Variants in AGAP3 observed in about 807,000 individuals in gnomAD.
The protein encoded by AGAP3 is ArfGAP with GTPase domain, ankyrin repeat and PH domain 3.
A neutral mutation model predicts 96.9 loss-of-function variants in AGAP3; 24 were observed. That is an observed-to-expected ratio of 0.25 (90% CI 0.18 to 0.35). The LOEUF is 0.35. AGAP3 is among the 10% of genes least tolerant of loss of function. The pLI is 1.00. For missense variants in AGAP3, 876 were observed against 1,254.2 expected (o/e 0.70, Z 4.55); for synonymous variants, 563 against 536.1 (o/e 1.05, Z -0.69).
At position 151,143,416 on chromosome 7, in the gene AGAP3, G is replaced by C; in HGVS notation, c.2349G>C (p.Val783=). The change falls in exon 17 of 18, where the codon GTG becomes GTC. Residue 783 remains valine (V), a synonymous_variant. Transcript: ENST00000397238. This position sits in a 1 kb window ranked among gnomAD's most constrained non-coding sequence, Gnocchi z 5.9. ...LFLAPLPSSD[V]PLGQQLLRAV... is the part of the protein sequence containing the mutation. ...TGGCCCCACTGCCAAGCTCAGATGT[G>C]CCACTGGGGCAGCAGCTGCTCCGGG... The C allele has an allele frequency of 6.2e-7, 1 of 1,614,212 alleles. No individual in the cohort carries two copies. The highest frequency in any genetic ancestry group is 8.5e-7 in the Non-Finnish European group (1 of 1,180,048).
chr7:151,101,336 A>G (rs1798827410), intron 1 of AGAP3, among the ~76,000 whole-genome samples: 1 of 152,202 alleles, frequency 6.6e-6, no homozygotes, highest in African/African-American at 2.4e-5. Context: ...GGGACAGGCC[A>G]TTATGGTGGC....
intron 1 of AGAP3, among the ~76,000 whole-genome samples, chr7:151,104,149 C>A (rs1798944688): frequency 6.6e-6 from 1 of 152,180 alleles, no homozygotes; most frequent in Admixed American, 6.5e-5. Flanking sequence ...TAGCGTCCAT[C>A]AATGATCTTT....
intron 8 of AGAP3, chr7:151,122,651 C>T (rs2150491318): frequency 1.9e-6 from 3 of 1,588,894 alleles, no homozygotes; most frequent in Non-Finnish European, 2.6e-6. Flanking sequence ...GGTCTCTGCC[C>T]TCACCGGTGC....
intron 10 of AGAP3, among the ~76,000 whole-genome samples, chr7:151,128,977 C>T (rs1267010964): frequency 1.3e-5 from 2 of 152,210 alleles, no homozygotes; most frequent in African/African-American, 4.8e-5. Flanking sequence ...GCCGATGTTG[C>T]CCAGCAGTTG....
rs564303082 is a variant in AGAP3, at chr7:151,091,522, T to A, written c.331+4450T>A. ...GACAGGGAGCGAAGGGGCCAGAAGG[T>A]CTGGGCTTGGTGCACCTGGAGAGAA... On this transcript the variant is annotated intron_variant, in intron 1 of 17. Transcript: ENST00000397238. Among the ~76,000 whole-genome samples the A allele has an allele frequency of 5.9e-5, 9 of 152,196 alleles. No individual in the cohort carries two copies. In the South Asian group the frequency reaches 1.7e-3, roughly 28 times the overall value.
chr7:151,105,262 G>A (rs550216700), intron 1 of AGAP3, among the ~76,000 whole-genome samples: 2 of 152,096 alleles, frequency 1.3e-5, no homozygotes, highest in South Asian at 2.1e-4. Flanking sequence ...GTAATATATC[G>A]TCTGTAAACA....
In AGAP3 at chr7:151,133,869, C is replaced by T. The variant is rs186850534; in HGVS notation, c.1327-531C>T. Among the ~76,000 whole-genome samples, 17 of 152,246 alleles carry T rather than the reference C, an allele frequency of 1.1e-4. No homozygotes were observed. Among genetic ancestry groups the T allele is most frequent in the Middle Eastern group, 3.4e-3 (1 of 294 alleles). On this transcript the variant is annotated intron_variant, in intron 10 of 17. Transcript: ENST00000397238. The surrounding 1 kb of genome is among the most constrained non-coding windows in gnomAD (Gnocchi z 5.4). ...AGCACCTGTTGCTGTATTCCAAAGTCCAGCAAAAAGAATCAGAGGCTTCCT... is the reference window on the plus strand; with the variant it reads ...AGCACCTGTTGCTGTATTCCAAAGTTCAGCAAAAAGAATCAGAGGCTTCCT...
Position 151,117,399 on chromosome 7 carries a change from G to A in AGAP3, c.507G>A (p.Val169=). ...EGGRFKKEIV[V]DGQSYLLLIR... Reference sequence around the variant, plus strand: ...GGCGGTTTAAGAAGGAGATTGTGGTGGATGGCCAGAGTTACCTGCTGCTGA... The same window carrying A: ...GGCGGTTTAAGAAGGAGATTGTGGTAGATGGCCAGAGTTACCTGCTGCTGA... The change falls in exon 4 of 18, where the codon GTG becomes GTA. Residue 169 remains valine, a synonymous_variant. Coordinates refer to ENST00000397238, the MANE Select transcript of AGAP3 (RefSeq NM_031946.7). 1.2e-6 allele frequency: 2 copies of A among 1,614,228 alleles called. No homozygotes were observed.
chr7:151,128,616 A>G lies in AGAP3; in HGVS notation c.1258A>G (p.Lys420Glu). 1 of 1,613,870 alleles carries G rather than the reference A, an allele frequency of 6.2e-7. No homozygotes were observed. Among genetic ancestry groups the G allele is most frequent in the Non-Finnish European group, 8.5e-7 (1 of 1,179,914 alleles). Residue 420 changes from lysine to glutamate, a missense_variant, in exon 10 of 18, where the codon AAG becomes GAG. Physicochemically the swap from Lys to Glu is moderately conservative, Grantham distance 56. Transcript: ENST00000397238. ...LLKRSGKSLN[K>E]EWKKKYVTLC... is the part of the protein sequence containing the mutation. ...AAAGCGGAGCGGCAAGTCCCTGAAC[A>G]AGGAGTGGAAGAAGAAGTATGTGAC...
At chr7:151,127,800 C>T (rs1199451366) in intron 9 of AGAP3, among the ~76,000 whole-genome samples, 2 of 152,188 alleles carry the variant, frequency 1.3e-5, no homozygotes, top group East Asian at 1.9e-4. Context: ...CTTCTATCTT[C>T]CTAGTGGGGT....
At chr7:151,123,215 G>C in intron 8 of AGAP3, 1 of 1,078,858 alleles carries the variant, frequency 9.3e-7, no homozygotes, top group Non-Finnish European at 1.1e-6. Context: ...CGCCGCGCTT[G>C]CCTTGCCCCC....
At chr7:151,123,387 G>A (rs1800009164) in intron 8 of AGAP3, 4 of 1,071,802 alleles carry the variant, frequency 3.7e-6, no homozygotes, top group African/African-American at 1.7e-5. Flanking sequence ...GCCGTGTGGT[G>A]TCTGTGCCGC....
intron 9 of AGAP3, chr7:151,128,275 T>A (rs1800262186): frequency 5.2e-6 from 2 of 382,226 alleles, no homozygotes; most frequent in Non-Finnish European, 9.9e-6. Context: ...CACCCGACGG[T>A]CTACACCCCT....
At chr7:151,087,895 G>A (rs1322132353) in intron 1 of AGAP3, among the ~76,000 whole-genome samples, 1 of 152,270 alleles carries the variant, frequency 6.6e-6, no homozygotes, top group Non-Finnish European at 1.5e-5. Context: ...CCCTGGTGTG[G>A]TGGGTGCTGG....
chr7:151,139,963 A>G lies in AGAP3; in HGVS notation c.1667-16A>G, dbSNP rs202139525. On this transcript the variant is annotated splice_polypyrimidine_tract_variant and intron_variant, in intron 12 of 17. Transcript: ENST00000397238. The surrounding 1 kb of genome is among the most constrained non-coding windows in gnomAD (Gnocchi z 4.9). ...CCTCCCTTCTTCCCACACTTCTCCAACTCTCCCCTCACCAGCCAGTGGCCC... is the reference window on the plus strand; with the variant it reads ...CCTCCCTTCTTCCCACACTTCTCCAGCTCTCCCCTCACCAGCCAGTGGCCC... 1 of 1,517,960 alleles carries G rather than the reference A, an allele frequency of 6.6e-7. No homozygotes were observed. Among genetic ancestry groups the G allele is most frequent in the Non-Finnish European group, 8.8e-7 (1 of 1,132,666 alleles). The allele number at this position is 1,517,960 out of a possible 1,614,324, so 94.0% of individuals were successfully genotyped here. A position where few individuals can be genotyped will look rare whatever the true frequency, so the allele number is the denominator to read the frequency against.
At chr7:151,116,297 A>AGGCTC (rs1398386152) in intron 1 of AGAP3, 2 of 156,634 alleles carry the variant, frequency 1.3e-5, no homozygotes, top group African/African-American at 2.4e-5. Context: ...AGGCCAGGCC[A>AGGCTC]GGCTCCTCCC....
At chr7:151,122,653 C>A in intron 8 of AGAP3, 1 of 1,592,602 alleles carries the variant, frequency 6.3e-7, no homozygotes, top group Non-Finnish European at 8.6e-7. Flanking sequence ...TCTCTGCCCT[C>A]ACCGGTGCTG....
chr7:151,114,993 CT>C lies in AGAP3; in HGVS notation c.332-1796del, dbSNP rs1370522259. The C allele has an allele frequency of 3.0e-6, 3 of 986,206 alleles. No homozygotes were observed. Among genetic ancestry groups the C allele is most frequent in the Non-Finnish European group, 3.6e-6 (3 of 832,862 alleles). 61.1% of individuals were successfully genotyped at this position (986,206 alleles called of 1,614,324 possible). On this transcript the variant is annotated intron_variant, in intron 1 of 17. Transcript: ENST00000397238. This position sits in a 1 kb window ranked among gnomAD's most constrained non-coding sequence, Gnocchi z 4.4. Reference sequence around the variant, plus strand: ...GCCGCCGCCCACCGGCGCCCGCGGCCTTTTGCTCGGCCTCCTGCGCCCGCGC... The same window carrying C: ...GCCGCCGCCCACCGGCGCCCGCGGCCTTTGCTCGGCCTCCTGCGCCCGCGC...
At chr7:151,094,082 T>C (rs1216585009) in intron 1 of AGAP3, among the ~76,000 whole-genome samples, 1 of 151,960 alleles carries the variant, frequency 6.6e-6, no homozygotes, top group African/African-American at 2.4e-5. Context: ...AGAGGTGAGA[T>C]TTTCTGTACC....
Sources: gnomAD v4.1 joint callset for allele counts (sites outside exome capture counted in the v4.1 genomes callset) on GRCh38, gnomAD v4.1.1 for gene constraint, Gnocchi (gnomAD v3.1) non-coding constraint, MANE v1.5 for transcripts, NCBI Gene and HGNC (gene_info 2026-07-23, HGNC 2026-07-21) for gene names.